FBXO25: variants seen among roughly 807,000 people sequenced by gnomAD.
FBXO25 encodes the protein F-box protein 25, also known as F-box only protein 25.
A neutral mutation model predicts 51.9 loss-of-function variants in FBXO25; 45 were observed. The observed-to-expected ratio is 0.87, with a 90% CI of 0.68 to 1.11. The LOEUF (loss-of-function observed/expected upper bound fraction) is 1.11. FBXO25 is among the 50% of genes most tolerant of loss of function. FBXO25 has a pLI of 0.00. For missense variants in FBXO25, 507 were observed against 428.5 expected, an observed-to-expected ratio of 1.18 and a Z score of -1.62; for synonymous variants, 199 against 151.0, an observed-to-expected ratio of 1.32 and a Z score of -2.33.
rs767545803 is a variant in FBXO25 at position 413,133 on chromosome 8, A to C, written c.54A>C (p.Thr18=). 1 of 1,611,028 alleles carries C rather than the reference A, an allele frequency of 6.2e-7. No homozygotes were observed. Among genetic ancestry groups the C allele is most frequent in the Non-Finnish European group, 8.5e-7 (1 of 1,178,638 alleles). ...CTCCTGGATGGAGTTGGATTAAGAC[A>C]GAAGATGGCTGGAAGAGATGTGAAT... is the stretch of plus-strand genomic sequence containing the variant. ...WRSPGWSWIK[T]EDGWKRCESC... Residue 18 remains threonine, a synonymous_variant, in exon 2 of 10, where the codon ACA becomes ACC. Coordinates refer to ENST00000350302, the MANE Select transcript of FBXO25 (RefSeq NM_183420.2).
At position 468,970 on chromosome 8, in the gene FBXO25, C is replaced by A. The variant is rs1010652762; in HGVS notation, c.*166C>A. 4 of 589,376 alleles carry A rather than the reference C, an allele frequency of 6.8e-6. No homozygotes were observed. Among genetic ancestry groups the A allele is most frequent in the Non-Finnish European group, 1.2e-5 (4 of 342,574 alleles). 36.5% of individuals were successfully genotyped at this position (589,376 alleles called of 1,614,324 possible). A position where few individuals can be genotyped will look rare whatever the true frequency, so the allele number is the denominator to read the frequency against. ...AGGGGGGACTGCATGGTTGCATTTT[C>A]ATCACTGAAAGTCAGAGGCCAAGGA... On this transcript the variant is annotated 3_prime_UTR_variant, in exon 10 of 10. Transcript: ENST00000350302.
intron 2 of FBXO25, among the ~76,000 whole-genome samples, chr8:429,862 G>C (rs1380996745): frequency 1.3e-5 from 2 of 152,254 alleles, no homozygotes; most frequent in Non-Finnish European, 2.9e-5. Flanking sequence ...GGAATCCACA[G>C]TGTGGGTAGC....
chr8:434,165 G>T (rs1432450857), intron 4 of FBXO25, among the ~76,000 whole-genome samples: 1 of 152,160 alleles, frequency 6.6e-6, no homozygotes, highest in African/African-American at 2.4e-5. Context: ...CCTGCACCAC[G>T]TCATGTCTCC....
At chr8:409,681 G>A (rs537316271) in intron 1 of FBXO25, among the ~76,000 whole-genome samples, 7 of 152,102 alleles carry the variant, frequency 4.6e-5, no homozygotes, top group Admixed American at 1.3e-4. Context: ...GAGGATACCG[G>A]GATGTACATA....
At position 472,662 on chromosome 8, in the gene FBXO25, T is replaced by C. The variant is rs558981803; in HGVS notation, c.*3858T>C. 5.3e-5 allele frequency: 8 copies of C among 152,354 alleles called. No individual in the cohort carries two copies. The highest frequency in any genetic ancestry group is 1.7e-4 in the African/African-American group (7 of 41,570). The allele number at this position is 152,354 out of a possible 1,614,324, so 9.4% of individuals were successfully genotyped here. ...TCTTTAAATGTTTGAGAGAACTCCATATAAGATTTGAAGTCACTGAGAAGC... is the reference window on the plus strand; with the variant it reads ...TCTTTAAATGTTTGAGAGAACTCCACATAAGATTTGAAGTCACTGAGAAGC... On this transcript the variant is annotated 3_prime_UTR_variant, in exon 10 of 10. Coordinates refer to ENST00000350302, the MANE Select transcript of FBXO25 (RefSeq NM_183420.2).
At chr8:451,824 T>C (rs1477207965) in intron 7 of FBXO25, among the ~76,000 whole-genome samples, 2 of 152,234 alleles carry the variant, frequency 1.3e-5, no homozygotes, top group Non-Finnish European at 2.9e-5. Flanking sequence ...AGTTAGTAAC[T>C]TTTTGTCTTC....
intron 1 of FBXO25, among the ~76,000 whole-genome samples, chr8:412,477 C>T (rs2117415068): frequency 6.6e-6 from 1 of 152,326 alleles, no homozygotes; most frequent in South Asian, 2.1e-4. Flanking sequence ...ACCCTCACCC[C>T]ATACCTTCTC....
In FBXO25 at chr8:475,281, A is replaced by G. The variant is rs865814590; in HGVS notation, c.*6477A>G. On this transcript the variant is annotated 3_prime_UTR_variant, in exon 10 of 10. Coordinates refer to ENST00000350302, the MANE Select transcript of FBXO25 (RefSeq NM_183420.2). ...GCAAGGGTTTATTTGGGGATTTGCT[A>G]TTCTGTTCCATTGGTCTACATGACT... 2.3e-5 allele frequency: 5 copies of G among 215,700 alleles called. No individual in the cohort carries two copies. The highest frequency in any genetic ancestry group is 1.1e-4 in the Admixed American group (2 of 18,592). The allele number at this position is 215,700 out of a possible 1,614,324, so 13.4% of individuals were successfully genotyped here.
At chr8:410,682 A>T (rs1207773078) in intron 1 of FBXO25, among the ~76,000 whole-genome samples, 1 of 152,186 alleles carries the variant, frequency 6.6e-6, no homozygotes, top group African/African-American at 2.4e-5. Flanking sequence ...GAACATGGGC[A>T]TTGAGTTTTG....
intron 1 of FBXO25, among the ~76,000 whole-genome samples, chr8:407,884 G>C (rs1796260421): frequency 6.6e-6 from 1 of 152,074 alleles, no homozygotes; most frequent in African/African-American, 2.4e-5. Flanking sequence ...TTCTCAATTA[G>C]ATTCCACCTC....
At chr8:445,516 T>C (rs2116685936) in intron 5 of FBXO25, among the ~76,000 whole-genome samples, 1 of 152,322 alleles carries the variant, frequency 6.6e-6, no homozygotes, top group South Asian at 2.1e-4. Context: ...TTTGCCACAT[T>C]AGAAATTAAA....
chr8:459,104 C>T (rs1799642368), intron 8 of FBXO25, among the ~76,000 whole-genome samples: 1 of 152,218 alleles, frequency 6.6e-6, no homozygotes, highest in South Asian at 2.1e-4. Context: ...ACGATGAGAC[C>T]CTGTGGTCCC....
intron 2 of FBXO25, chr8:420,257 A>T (rs1797068003): frequency 6.6e-6 from 1 of 152,234 alleles, no homozygotes; most frequent in South Asian, 2.1e-4. Context: ...GTCAGTAGCT[A>T]AGATGAAAGA....
At chr8:407,231 A>G (rs1281004887) in intron 1 of FBXO25, among the ~76,000 whole-genome samples, 165 bp downstream of exon 1, 26 of 80,478 alleles carry the variant, frequency 3.2e-4, no homozygotes, top group Non-Finnish European at 5.1e-4. Flanking sequence ...TGGGGTCGCG[A>G]GCGCGTCAGG....
intron 1 of FBXO25, among the ~76,000 whole-genome samples, chr8:412,864 A>T (rs1796566805): frequency 6.6e-6 from 1 of 152,222 alleles, no homozygotes; most frequent in Non-Finnish European, 1.5e-5. Flanking sequence ...GTATTAGGCC[A>T]GTAAAACCAC....
chr8:416,213 C>G (rs533530617), intron 2 of FBXO25, among the ~76,000 whole-genome samples: 3 of 152,364 alleles, frequency 2.0e-5, no homozygotes, highest in East Asian at 1.9e-4. Context: ...CTTGGTTGGC[C>G]TGCTCTACTC....
chr8:458,852 C>T (rs1406676215), intron 8 of FBXO25, among the ~76,000 whole-genome samples: 4 of 152,194 alleles, frequency 2.6e-5, no homozygotes, highest in African/African-American at 9.6e-5. Flanking sequence ...GGCTCACTGC[C>T]TTTTCTCCTG....
chr8:477,362 C>G lies in FBXO25; in HGVS notation c.*8558C>G, dbSNP rs1020268893. The stretch of plus-strand genomic sequence containing the variant: ...GTTACTGAAAGTGGGCTACTGCAGT[C>G]TCCTACTCTTACTGTAGAACTATCC... On this transcript the variant is annotated 3_prime_UTR_variant, in exon 10 of 10. Coordinates refer to ENST00000350302, the MANE Select transcript of FBXO25 (RefSeq NM_183420.2). 21 of 152,240 alleles carry G rather than the reference C, an allele frequency of 1.4e-4. No homozygotes were observed. Among genetic ancestry groups the G allele is most frequent in the African/African-American group, 5.1e-4 (21 of 41,456 alleles). 9.4% of individuals were successfully genotyped at this position (152,240 alleles called of 1,614,324 possible).
chr8:434,302 A>G (rs1210603665), intron 4 of FBXO25, among the ~76,000 whole-genome samples: 6 of 152,182 alleles, frequency 3.9e-5, no homozygotes, highest in Non-Finnish European at 7.3e-5. Context: ...TCTGTGAATC[A>G]GATTTAATTT....
Sources: allele counts gnomAD v4.1 joint callset (sites outside exome capture counted in the v4.1 genomes callset), GRCh38; gene constraint gnomAD v4.1.1; transcripts MANE v1.5; gene names NCBI Gene and HGNC (gene_info 2026-07-23, HGNC 2026-07-21).